LHFPL5: variants seen among roughly 807,000 people sequenced by gnomAD.
LHFPL5 encodes LHFPL tetraspan subfamily member 5 protein.
In LHFPL5, 12 loss-of-function variants were observed where a neutral mutation model predicts 18.7. The ratio of observed to expected loss-of-function variants is 0.64; its 90% CI spans 0.41 to 1.04. The LOEUF (loss-of-function observed/expected upper bound fraction) is 1.04. Ranked by LOEUF, LHFPL5 falls within the 50% of genes least tolerant of loss-of-function variation. LHFPL5 has a pLI of 0.00. For missense variants in LHFPL5, 259 were observed against 292.1 expected (o/e 0.89, Z 0.83); for synonymous variants, 111 against 120.2 (o/e 0.92, Z 0.50).
rs1022658827 is a variant in LHFPL5 at position 35,814,060 on chromosome 6, G to A, written c.413-486G>A. 9.2e-5 allele frequency among the ~76,000 whole-genome samples: 14 copies of A among 152,284 alleles called. No homozygotes were observed. Among genetic ancestry groups the A allele is most frequent in the African/African-American group, 1.9e-4 (8 of 41,560 alleles). ...GATCTGCCCGCCTCGACCTCCCAAAGTGCTGGGATTACAGGTGTGAGCCAC... is the reference window on the plus strand; with the variant it reads ...GATCTGCCCGCCTCGACCTCCCAAAATGCTGGGATTACAGGTGTGAGCCAC... On this transcript the variant is annotated intron_variant, in intron 1 of 3. Transcript: ENST00000360215. This position sits in a 1 kb window ranked among gnomAD's most constrained non-coding sequence, Gnocchi z 4.2.
At chr6:35,809,173 C>T (rs557516651) in intron 1 of LHFPL5, among the ~76,000 whole-genome samples, 2 of 152,284 alleles carry the variant, frequency 1.3e-5, no homozygotes, top group African/African-American at 4.8e-5. Flanking sequence ...GGAGTTGTCC[C>T]AGCTCCTAGA....
intron 1 of LHFPL5, among the ~76,000 whole-genome samples, chr6:35,810,145 C>T (rs1379471419): frequency 3.9e-5 from 6 of 152,182 alleles, no homozygotes; most frequent in Admixed American, 3.9e-4. Flanking sequence ...TTAGCTGCCC[C>T]CGCTCCCCTC....
chr6:35,823,406 CACACACACACACACACACAT>C lies in LHFPL5; in HGVS notation c.*445_*464del, dbSNP rs1366398147. 6.8e-6 allele frequency: 1 copy of C among 146,074 alleles called. No homozygotes were observed. The highest frequency in any genetic ancestry group is 2.7e-5 in the African/African-American group (1 of 36,740). 9.0% of individuals were successfully genotyped at this position (146,074 alleles called of 1,614,324 possible). Reference sequence around the variant, plus strand: ...ATATATATACACACACACACACACACACACACACACACACACACATACATACACACACACATATATATACA... The same window carrying C: ...ATATATATACACACACACACACACACACATACACACACACATATATATACA... On this transcript the variant is annotated 3_prime_UTR_variant, in exon 4 of 4. Coordinates refer to ENST00000360215, the MANE Select transcript of LHFPL5 (RefSeq NM_182548.4).
At chr6:35,820,965 A>G (rs1768854149) in intron 3 of LHFPL5, among the ~76,000 whole-genome samples, 1 of 152,174 alleles carries the variant, frequency 6.6e-6, no homozygotes, top group African/African-American at 2.4e-5. Flanking sequence ...TTAGAGCATG[A>G]TTCTCAAACT....
At chr6:35,820,573 A>G (rs770571330) in intron 3 of LHFPL5, among the ~76,000 whole-genome samples, 1 of 151,912 alleles carries the variant, frequency 6.6e-6, no homozygotes, top group Non-Finnish European at 1.5e-5. Flanking sequence ...GGTGGTGGGC[A>G]CCTGTAGTCC....
intron 3 of LHFPL5, among the ~76,000 whole-genome samples, chr6:35,821,548 C>G (rs1768868131): frequency 6.7e-6 from 1 of 150,220 alleles, no homozygotes; most frequent in Non-Finnish European, 1.5e-5. Flanking sequence ...ATGACATGAT[C>G]TTGGCTCATG....
rs1157800420 is a variant in LHFPL5, at chr6:35,823,207, GTGCAGGGAGTGCTCAGT to G, written c.*246_*262del. On this transcript the variant is annotated 3_prime_UTR_variant, in exon 4 of 4. Coordinates refer to ENST00000360215, the MANE Select transcript of LHFPL5 (RefSeq NM_182548.4). Reference sequence around the variant, plus strand: ...TTCAAAGATATTCAGAGGCTGAGCGGTGCAGGGAGTGCTCAGTTGCTGGGGATGGGATCCAAGTCCAT... The same window carrying G: ...TTCAAAGATATTCAGAGGCTGAGCGGTGCTGGGGATGGGATCCAAGTCCAT... The G allele has an allele frequency of 1.3e-5, 2 of 152,140 alleles. No homozygotes were observed. The highest frequency in any genetic ancestry group is 2.9e-5 in the Non-Finnish European group (2 of 68,082). 9.4% of individuals were successfully genotyped at this position (152,140 alleles called of 1,614,324 possible). A position where few individuals can be genotyped will look rare whatever the true frequency, so the allele number is the denominator to read the frequency against.
Position 35,805,918 on chromosome 6 carries a change from C to G in LHFPL5, c.248C>G (p.Pro83Arg). The change falls in exon 1 of 4, where the codon CCC (proline) becomes CGC (arginine). Residue 83 changes from proline (P) to arginine (R), a missense_variant. Transcript: ENST00000360215. This position sits in a 1 kb window ranked among gnomAD's most constrained non-coding sequence, Gnocchi z 4.3. ...TCCGAGCTCATCTGCAAGGGCGGCCCCCTAGACTTCTCCTCCATCCCCTCT... is the reference window on the plus strand; with the variant it reads ...TCCGAGCTCATCTGCAAGGGCGGCCGCCTAGACTTCTCCTCCATCCCCTCT... Reference protein sequence around the residue: ...LSSELICKGGPLDFSSIPSRA... With the variant: ...LSSELICKGGRLDFSSIPSRA... 6.2e-7 allele frequency: 1 copy of G among 1,614,252 alleles called. No individual in the cohort carries two copies. The highest frequency in any genetic ancestry group is 1.1e-5 in the South Asian group (1 of 91,086).
At position 35,823,418 on chromosome 6, in the gene LHFPL5, CACACACATACAT is replaced by C. The variant is rs1403752293; in HGVS notation, c.*461_*472del. 3 of 128,224 alleles carry C rather than the reference CACACACATACAT, an allele frequency of 2.3e-5. No homozygotes were observed. The highest frequency in any genetic ancestry group is 1.0e-4 in the African/African-American group (3 of 30,112). The allele number at this position is 128,224 out of a possible 1,614,324, so 7.9% of individuals were successfully genotyped here. ...ACACACACACACACACACACACACA[CACACACATACAT>C]ACACACACACATATATATACACACA... On this transcript the variant is annotated 3_prime_UTR_variant, in exon 4 of 4. Transcript: ENST00000360215.
rs1768553166 is a variant in LHFPL5, at chr6:35,805,509, TA to T, written c.-161del. On this transcript the variant is annotated 5_prime_UTR_variant, in exon 1 of 4. Coordinates refer to ENST00000360215, the MANE Select transcript of LHFPL5 (RefSeq NM_182548.4). This position sits in a 1 kb window ranked among gnomAD's most constrained non-coding sequence, Gnocchi z 4.3. Reference sequence around the variant, plus strand: ...GACCAAATCAAGGTTGTCCTTGTCCTATTAAGCCTCTTCCCCTTGCCTTGAA... The same window carrying T: ...GACCAAATCAAGGTTGTCCTTGTCCTTTAAGCCTCTTCCCCTTGCCTTGAA... 1.5e-6 allele frequency: 1 copy of T among 675,636 alleles called. No individual in the cohort carries two copies. The highest frequency in any genetic ancestry group is 2.6e-6 in the Non-Finnish European group (1 of 385,486). 41.9% of individuals were successfully genotyped at this position (675,636 alleles called of 1,614,324 possible). A position where few individuals can be genotyped will look rare whatever the true frequency, so the allele number is the denominator to read the frequency against.
chr6:35,812,738 A>G (rs1768686075), intron 1 of LHFPL5, among the ~76,000 whole-genome samples: 1 of 152,196 alleles, frequency 6.6e-6, no homozygotes, highest in South Asian at 2.1e-4. Flanking sequence ...TCCATTTTGT[A>G]GATGAGGAAA....
intron 2 of LHFPL5, among the ~76,000 whole-genome samples, chr6:35,815,441 T>C (rs1474142727): frequency 6.6e-6 from 1 of 152,112 alleles, no homozygotes; most frequent in East Asian, 1.9e-4. Context: ...CTGTTTCTCA[T>C]TGGGCTCTTC....
intron 1 of LHFPL5, among the ~76,000 whole-genome samples, chr6:35,810,853 A>C (rs2766525): frequency 0.36 from 53,685 of 149,362 alleles, 10,547 homozygotes; most frequent in African/African-American, 0.51. Flanking sequence ...AAGAAAGAAA[A>C]GAAAAACACA....
At chr6:35,809,579 T>A (rs1052987967) in intron 1 of LHFPL5, among the ~76,000 whole-genome samples, 2 of 152,156 alleles carry the variant, frequency 1.3e-5, no homozygotes, top group Admixed American at 1.3e-4. Flanking sequence ...ACACACCTCA[T>A]TGCAGCCTTG....
chr6:35,810,986 G>T (rs571264006), intron 1 of LHFPL5, among the ~76,000 whole-genome samples: 1 of 152,138 alleles, frequency 6.6e-6, no homozygotes, highest in African/African-American at 2.4e-5. Flanking sequence ...ACCGGGGATC[G>T]GTGGGGGCTC....
chr6:35,808,367 G>T (rs1050227355), intron 1 of LHFPL5, among the ~76,000 whole-genome samples: 7 of 144,872 alleles, frequency 4.8e-5, no homozygotes, highest in African/African-American at 1.5e-4. Context: ...TAATAATAAG[G>T]CCAGCTGCAG....
chr6:35,806,142 C>T (rs1768566487), intron 1 of LHFPL5, 60 bp downstream of exon 1: 3 of 1,574,784 alleles, frequency 1.9e-6, no homozygotes, highest in Admixed American at 3.6e-5. Context: ...GCTGCAGCTG[C>T]ACCATCCCAG....
intron 2 of LHFPL5, among the ~76,000 whole-genome samples, chr6:35,815,919 C>G (rs533443768): frequency 6.6e-6 from 1 of 152,262 alleles, no homozygotes; most frequent in East Asian, 1.9e-4. Flanking sequence ...TGCCTATAAT[C>G]CCAGAACTTT....
At chr6:35,808,417 G>A (rs868042515) in intron 1 of LHFPL5, among the ~76,000 whole-genome samples, 7 of 146,774 alleles carry the variant, frequency 4.8e-5, no homozygotes, top group South Asian at 2.1e-4. Flanking sequence ...GGAGGGCGAG[G>A]TGGGCAGATT....
Sources: gnomAD v4.1 joint callset for allele counts (sites outside exome capture counted in the v4.1 genomes callset) on GRCh38, gnomAD v4.1.1 for gene constraint, Gnocchi (gnomAD v3.1) non-coding constraint, MANE v1.5 for transcripts, NCBI Gene and HGNC (gene_info 2026-07-23, HGNC 2026-07-21) for gene names.